UMAD1: variants seen among roughly 807,000 people sequenced by gnomAD.
The protein encoded by UMAD1 is UBAP1-MVB12-associated (UMA) domain containing 1, also known as UBAP1-MVB12-associated (UMA)-domain containing protein 1.
UMAD1 carries 8 observed loss-of-function variants against 6.1 expected under a neutral mutation model. The observed-to-expected ratio is 1.30, with a 90% CI of 0.76 to 2.35. The LOEUF (loss-of-function observed/expected upper bound fraction) is 2.35. Ranked by LOEUF, UMAD1 falls within the 30% of genes most tolerant of loss-of-function variation. The probability of loss-of-function intolerance (pLI) is 0.00; values close to 1 mark genes in which losing one functional copy is unlikely to be tolerated. For missense variants in UMAD1, 130 were observed against 78.4 expected (o/e 1.66, Z -2.49); for synonymous variants, 56 against 31.4 (o/e 1.78, Z -2.61).
chr7:7,784,089 A>G (rs1394838945), intron 2 of UMAD1, among the ~76,000 whole-genome samples: 1 of 152,226 alleles, frequency 6.6e-6, no homozygotes, highest in Non-Finnish European at 1.5e-5. Flanking sequence ...TAATTGTATT[A>G]GAAGAAGTGT....
intron 2 of UMAD1, among the ~76,000 whole-genome samples, chr7:7,673,675 C>T (rs1029594119): frequency 1.3e-5 from 2 of 150,782 alleles, no homozygotes; most frequent in East Asian, 2.0e-4. Flanking sequence ...CTGTGTTCTC[C>T]AAGTTAAATG....
chr7:7,848,084 G>C lies in UMAD1; in HGVS notation c.157-29197G>C, dbSNP rs189607691. ...GTAGAAGCTCCTTTGAACTAATGATGTATTACCTGGCATAGTATTTTGAAA... is the reference window on the plus strand; with the variant it reads ...GTAGAAGCTCCTTTGAACTAATGATCTATTACCTGGCATAGTATTTTGAAA... On this transcript the variant is annotated intron_variant, in intron 3 of 3. Coordinates refer to ENST00000682710, the MANE Select transcript of UMAD1 (RefSeq NM_001302348.2). Among the ~76,000 whole-genome samples the C allele has an allele frequency of 1.1e-3, 169 of 152,222 alleles. 2 individuals are homozygous for C. Among genetic ancestry groups the C allele is most frequent in the Non-Finnish European group, 1.9e-4 (13 of 67,998 alleles).
intron 3 of UMAD1, among the ~76,000 whole-genome samples, chr7:7,807,076 GTGACTC>G (rs909511325): frequency 2.0e-5 from 3 of 152,146 alleles, no homozygotes; most frequent in Admixed American, 6.5e-5. Flanking sequence ...CTAAGACCCA[GTGACTC>G]TGACTTACTG....
In UMAD1 at chr7:7,665,751, G is replaced by A. The variant is rs142010092; in HGVS notation, c.-63-7558G>A. ...ACTTTCTTTCACTGTACACTAGTTT[G>A]TATTTTTGAGAAGCTTATATAAATG... On this transcript the variant is annotated intron_variant, in intron 1 of 3. Coordinates refer to ENST00000682710, the MANE Select transcript of UMAD1 (RefSeq NM_001302348.2). 2.0e-5 allele frequency among the ~76,000 whole-genome samples: 3 copies of A among 150,644 alleles called. No individual in the cohort carries two copies. The East Asian group carries it at 5.9e-4, about 29-fold the overall frequency.
chr7:7,774,381 A>C (rs1782160174), intron 2 of UMAD1, among the ~76,000 whole-genome samples: 1 of 152,214 alleles, frequency 6.6e-6, no homozygotes, highest in Non-Finnish European at 1.5e-5. Flanking sequence ...AATCAGAATC[A>C]AAAAATCTGG....
intron 2 of UMAD1, among the ~76,000 whole-genome samples, chr7:7,702,303 G>T (rs2115155766): frequency 1.3e-5 from 2 of 152,258 alleles, no homozygotes; most frequent in East Asian, 3.9e-4. Context: ...AGGGACTAGA[G>T]TTCCTATGCT....
chr7:7,682,956 TG>T (rs1297347397), intron 2 of UMAD1, among the ~76,000 whole-genome samples: 2 of 152,248 alleles, frequency 1.3e-5, no homozygotes, highest in Non-Finnish European at 2.9e-5. Context: ...CTGGTTTACC[TG>T]TTAATCTAGC....
At chr7:7,841,966 A>G (rs1023116693) in intron 3 of UMAD1, among the ~76,000 whole-genome samples, 2 of 152,224 alleles carry the variant, frequency 1.3e-5, no homozygotes, top group African/African-American at 2.4e-5. Flanking sequence ...ACTTTTCTCC[A>G]TGGCCCTGTA....
chr7:7,702,710 A>G (rs1170677327), intron 2 of UMAD1, among the ~76,000 whole-genome samples: 1 of 152,190 alleles, frequency 6.6e-6, no homozygotes. Flanking sequence ...TTCCACTGAC[A>G]TCTATGATGA....
At chr7:7,673,952 C>T (rs2115109645) in intron 2 of UMAD1, among the ~76,000 whole-genome samples, 1 of 152,268 alleles carries the variant, frequency 6.6e-6, no homozygotes, top group South Asian at 2.1e-4. Flanking sequence ...GTTTTAGTGT[C>T]TTTAAAAAAT....
At chr7:7,795,800 A>C (rs1476215877) in intron 2 of UMAD1, among the ~76,000 whole-genome samples, 1 of 152,188 alleles carries the variant, frequency 6.6e-6, no homozygotes, top group African/African-American at 2.4e-5. Context: ...TATAATGAAC[A>C]TTGAGGATGA....
At position 7,673,370 on chromosome 7, in the gene UMAD1, C is replaced by T. The variant is rs1779659346; in HGVS notation, c.-2C>T. The stretch of plus-strand genomic sequence containing the variant: ...GCAGCAGCAGCAGCAGCAGCAGCAG[C>T]AATGTTTCACTTCTTCAGAAAGCCT... On this transcript the variant is annotated 5_prime_UTR_variant, in exon 2 of 4. Coordinates refer to ENST00000682710, the MANE Select transcript of UMAD1 (RefSeq NM_001302348.2). 1 of 1,137,608 alleles carries T rather than the reference C, an allele frequency of 8.8e-7. No individual in the cohort carries two copies. Among genetic ancestry groups the T allele is most frequent in the Non-Finnish European group, 1.3e-6 (1 of 784,724 alleles). 70.5% of individuals were successfully genotyped at this position (1,137,608 alleles called of 1,614,324 possible). A position where few individuals can be genotyped will look rare whatever the true frequency, so the allele number is the denominator to read the frequency against.
intron 3 of UMAD1, among the ~76,000 whole-genome samples, chr7:7,809,281 T>C (rs10259199): frequency 0.17 from 26,127 of 151,856 alleles, 2,535 homozygotes; most frequent in African/African-American, 0.25. Flanking sequence ...TATTGTACAA[T>C]TGTAAACAAA....
chr7:7,658,007 C>T (rs578115264), intron 1 of UMAD1, among the ~76,000 whole-genome samples: 1 of 152,286 alleles, frequency 6.6e-6, no homozygotes, highest in East Asian at 1.9e-4. Flanking sequence ...GTTTATAATT[C>T]TTCTTGAAGA....
At chr7:7,845,699 T>C (rs534193778) in intron 3 of UMAD1, among the ~76,000 whole-genome samples, 60 of 152,278 alleles carry the variant, frequency 3.9e-4, no homozygotes, top group Non-Finnish European at 7.5e-4. Context: ...GGCGATGGTT[T>C]TCCCTATGAA....
chr7:7,750,730 T>C (rs1781662630), intron 2 of UMAD1, among the ~76,000 whole-genome samples: 1 of 152,208 alleles, frequency 6.6e-6, no homozygotes, highest in African/African-American at 2.4e-5. Context: ...AGAGGTTAAG[T>C]AACTTGCTCA....
intron 3 of UMAD1, among the ~76,000 whole-genome samples, chr7:7,850,813 G>A (rs1273899994): frequency 6.6e-6 from 1 of 151,864 alleles, no homozygotes; most frequent in Admixed American, 6.6e-5. Context: ...AGGATTTGGG[G>A]GTCTTACAAA....
intron 1 of UMAD1, among the ~76,000 whole-genome samples, chr7:7,665,553 T>C (rs1779422302): frequency 6.6e-6 from 1 of 152,230 alleles, no homozygotes; most frequent in Non-Finnish European, 1.5e-5. Context: ...CAGTAACACA[T>C]TGAAAATATA....
chr7:7,874,539 G>A (rs941164388), intron 3 of UMAD1, among the ~76,000 whole-genome samples: 14 of 151,992 alleles, frequency 9.2e-5, no homozygotes, highest in Admixed American at 5.2e-4. Context: ...AAATCAGGCC[G>A]GGCACAGTGG....
Sources: allele counts gnomAD v4.1 joint callset (sites outside exome capture counted in the v4.1 genomes callset), GRCh38; gene constraint gnomAD v4.1.1; transcripts MANE v1.5; gene names NCBI Gene and HGNC (gene_info 2026-07-23, HGNC 2026-07-21).